The following DCP2 variants were observed in gnomAD, a reference collection of about 807,000 sequenced individuals.
DCP2 encodes the protein m7GpppN-mRNA hydrolase.
DCP2 carries 30 observed loss-of-function variants against 56.1 expected under a neutral mutation model. The ratio of observed to expected loss-of-function variants is 0.53; its 90% confidence interval spans 0.40 to 0.73. The LOEUF is 0.73. Ranked by LOEUF, DCP2 falls within the 30% of genes least tolerant of loss-of-function variation. The pLI is 0.00. For missense variants in DCP2, 533 were observed against 502.7 expected, an observed-to-expected ratio of 1.06 and a Z score of -0.58; for synonymous variants, 197 against 163.3, an observed-to-expected ratio of 1.21 and a Z score of -1.57.
intron 1 of DCP2, among the ~76,000 whole-genome samples, chr5:112,983,590 C>T (rs972931022): frequency 7.2e-5 from 11 of 151,842 alleles, no homozygotes; most frequent in African/African-American, 2.7e-4. Context: ...TATGAGTTTC[C>T]AAGTATGTAT....
rs1749158446 is a variant in DCP2 at position 113,001,158 on chromosome 5, C to G, written c.507C>G (p.Asp169Glu). The change falls in exon 5 of 11, where the codon GAC (aspartate) becomes GAG (glutamate). Residue 169 changes from aspartate to glutamate, a missense_variant. Transcript: ENST00000389063. Reference sequence around the variant, plus strand: ...ATTACATTGAACTTCGAATCAATGACCAGCTTGCTCGTTTGTACATCATTC... The same window carrying G: ...ATTACATTGAACTTCGAATCAATGAGCAGCTTGCTCGTTTGTACATCATTC... ...KDDYIELRIN[D>E]QLARLYIIPG... 4 of 1,613,706 alleles carry G rather than the reference C, an allele frequency of 2.5e-6. No homozygotes were observed. The highest frequency in any genetic ancestry group is 1.3e-5 in the African/African-American group (1 of 74,884).
At chr5:112,982,422 T>G (rs1469188218) in intron 1 of DCP2, among the ~76,000 whole-genome samples, 1 of 152,218 alleles carries the variant, frequency 6.6e-6, no homozygotes, top group African/African-American at 2.4e-5. Context: ...TTGAATATCA[T>G]GTTTCATCCT....
chr5:112,981,482 G>A (rs1748000295), intron 1 of DCP2, among the ~76,000 whole-genome samples: 1 of 151,820 alleles, frequency 6.6e-6, no homozygotes, highest in South Asian at 2.1e-4. Flanking sequence ...ATTCTATTTT[G>A]TAAATCTACG....
chr5:113,011,840 C>T (rs773335253), intron 10 of DCP2, among the ~76,000 whole-genome samples: 12 of 152,122 alleles, frequency 7.9e-5, no homozygotes, highest in African/African-American at 1.7e-4. Context: ...GCTACAGTTT[C>T]GGGTCTTACA....
In DCP2 at chr5:113,013,378, G is replaced by A; in HGVS notation, c.1157G>A (p.Gly386Glu). 1.2e-6 allele frequency: 2 copies of A among 1,614,128 alleles called. No homozygotes were observed. Among genetic ancestry groups the A allele is most frequent in the Non-Finnish European group, 1.7e-6 (2 of 1,179,992 alleles). The change falls in exon 11 of 11, where the codon GGA becomes GAA. Residue 386 changes from glycine (G) to glutamate (E), a missense_variant. By Grantham distance (98) the Gly-to-Glu change is moderately conservative. Coordinates refer to ENST00000389063, the MANE Select transcript of DCP2 (RefSeq NM_152624.6). ...GACCAGTTGCTAGAACATGCTGAGG[G>A]ACAGCCCGTGGCATGTAATGGACAT... ...SEDQLLEHAE[G>E]QPVACNGHCK...
rs1179993532 is a variant in DCP2, at chr5:113,001,435, C to T, written c.664C>T (p.Pro222Ser). 1.2e-6 allele frequency: 2 copies of T among 1,613,898 alleles called. No individual in the cohort carries two copies. Among genetic ancestry groups the T allele is most frequent in the Admixed American group, 1.7e-5 (1 of 59,990 alleles). Residue 222 changes from proline to serine, a missense_variant, in exon 6 of 11, where the codon CCT becomes TCT. Around this residue, in one of 3 missense-constraint regions of DCP2, gnomAD observed 392 missense variants for 346.6 expected, o/e 1.13. Coordinates refer to ENST00000389063, the MANE Select transcript of DCP2 (RefSeq NM_152624.6). ...CCCCAAATCCAAACTTGGTTTGGCA[C>T]CTAACAAATTTTTTATGGCCATTCC... Reference protein sequence around the residue: ...MTPKSKLGLAPNKFFMAIPFI... With the variant: ...MTPKSKLGLASNKFFMAIPFI...
chr5:112,987,700 C>G (rs374162037), intron 2 of DCP2, among the ~76,000 whole-genome samples: 1 of 143,242 alleles, frequency 7.0e-6, no homozygotes, highest in African/African-American at 2.6e-5. Context: ...TCTCAAACTC[C>G]TGCCGTCAAG....
In DCP2 at chr5:113,014,866, G is replaced by A. The variant is rs1561709262; in HGVS notation, c.*1382G>A. 1 of 152,608 alleles carries A rather than the reference G, an allele frequency of 6.6e-6. No homozygotes were observed. Among genetic ancestry groups the A allele is most frequent in the Admixed American group, 6.5e-5 (1 of 15,278 alleles). The allele number at this position is 152,608 out of a possible 1,614,324, so 9.5% of individuals were successfully genotyped here. ...GTTATTGTAGAAATCTTTATTCTGTGTAGGTAGCCTATTTAATTGGGTTCC... is the reference window on the plus strand; with the variant it reads ...GTTATTGTAGAAATCTTTATTCTGTATAGGTAGCCTATTTAATTGGGTTCC... On this transcript the variant is annotated 3_prime_UTR_variant, in exon 11 of 11. Transcript: ENST00000389063.
chr5:113,001,068 A>G lies in DCP2; in HGVS notation c.433-16A>G. ...AGAACTAAAATGAAAATTTCATCCA[A>G]ATTTGTTGTTTCCAGGTCTTTGAAG... is the stretch of plus-strand genomic sequence containing the variant. On this transcript the variant is annotated splice_polypyrimidine_tract_variant and intron_variant, in intron 4 of 10. Coordinates refer to ENST00000389063, the MANE Select transcript of DCP2 (RefSeq NM_152624.6). 6.4e-7 allele frequency: 1 copy of G among 1,570,942 alleles called. No homozygotes were observed. The highest frequency in any genetic ancestry group is 8.6e-7 in the Non-Finnish European group (1 of 1,161,474).
intron 3 of DCP2, 78 bp downstream of exon 3, chr5:112,992,326 T>C: frequency 6.6e-7 from 1 of 1,519,658 alleles, no homozygotes; most frequent in Non-Finnish European, 8.8e-7. Flanking sequence ...TGATGTAGTG[T>C]TTCTAAATTG....
chr5:113,002,951 CTA>C (rs1749247157), intron 7 of DCP2, among the ~76,000 whole-genome samples: 1 of 152,096 alleles, frequency 6.6e-6, no homozygotes, highest in African/African-American at 2.4e-5. Flanking sequence ...ACAAAGTTGC[CTA>C]TGTTAGAGAG....
At chr5:112,981,287 G>T (rs1214183771) in intron 1 of DCP2, among the ~76,000 whole-genome samples, 1 of 151,964 alleles carries the variant, frequency 6.6e-6, no homozygotes, top group Admixed American at 6.6e-5. Flanking sequence ...TGAGATTACA[G>T]GTGTGAACTA....
intron 2 of DCP2, among the ~76,000 whole-genome samples, chr5:112,987,424 T>G (rs952887738): frequency 2.6e-5 from 4 of 152,248 alleles, no homozygotes; most frequent in Middle Eastern, 3.4e-3. Context: ...TTCTTAAATC[T>G]TGAGCTAAAG....
intron 1 of DCP2, among the ~76,000 whole-genome samples, chr5:112,982,663 C>T (rs572326999): frequency 6.6e-6 from 1 of 151,868 alleles, no homozygotes; most frequent in East Asian, 1.9e-4. Flanking sequence ...TTTTTTTCCC[C>T]CCGAGGGCTC....
At chr5:112,992,018 A>G in intron 2 of DCP2, 103 bp from the exon 3 acceptor site, 1 of 1,491,616 alleles carries the variant, frequency 6.7e-7, no homozygotes, top group Non-Finnish European at 9.1e-7. Context: ...AGATTTGAAT[A>G]ATTTCACATG....
chr5:113,010,348 C>T (rs1561705346), intron 9 of DCP2, among the ~76,000 whole-genome samples: 1 of 151,848 alleles, frequency 6.6e-6, no homozygotes, highest in Non-Finnish European at 1.5e-5. Context: ...CTCTGGCCAC[C>T]TCAGCTAAAT....
At position 113,018,804 on chromosome 5, in the gene DCP2, T is replaced by C. The variant is rs1164544493; in HGVS notation, c.*5320T>C. On this transcript the variant is annotated 3_prime_UTR_variant, in exon 11 of 11. Transcript: ENST00000389063. Reference sequence around the variant, plus strand: ...GTGTCTTACCCCTTCTGTAGAATAATCCATATTTTAAAATTTGTTTCACAT... The same window carrying C: ...GTGTCTTACCCCTTCTGTAGAATAACCCATATTTTAAAATTTGTTTCACAT... 6.6e-6 allele frequency: 1 copy of C among 152,190 alleles called. No homozygotes were observed. The highest frequency in any genetic ancestry group is 2.4e-5 in the African/African-American group (1 of 41,448). The allele number at this position is 152,190 out of a possible 1,614,324, so 9.4% of individuals were successfully genotyped here. A position where few individuals can be genotyped will look rare whatever the true frequency, so the allele number is the denominator to read the frequency against.
intron 1 of DCP2, among the ~76,000 whole-genome samples, chr5:112,978,288 G>T (rs571813341): frequency 2.4e-4 from 36 of 152,248 alleles, no homozygotes; most frequent in African/African-American, 8.2e-4. Context: ...AGTTTCTACT[G>T]TGCACCAGGC....
intron 9 of DCP2, among the ~76,000 whole-genome samples, chr5:113,009,057 G>A (rs1429648031): frequency 2.6e-5 from 4 of 152,090 alleles, no homozygotes; most frequent in Non-Finnish European, 4.4e-5. Context: ...ATGTTGGCCA[G>A]GATGGTCTCG....
Sources: gnomAD v4.1 joint callset for allele counts (sites outside exome capture counted in the v4.1 genomes callset) on GRCh38, gnomAD v4.1.1 for gene constraint, gnomAD v4.1.1 regional missense constraint, MANE v1.5 for transcripts, NCBI Gene and HGNC (gene_info 2026-07-23, HGNC 2026-07-21) for gene names.